The following RCAN2 variants were observed in gnomAD, a reference collection of about 807,000 sequenced individuals.
RCAN2 encodes the protein regulator of calcineurin 2.
Under a neutral mutation model 23.6 loss-of-function variants are expected in RCAN2, and 9 were observed. That is an observed-to-expected ratio of 0.38 (90% confidence interval 0.23 to 0.67). The LOEUF (loss-of-function observed/expected upper bound fraction) is 0.67. Ranked by LOEUF, RCAN2 falls within the 30% of genes least tolerant of loss-of-function variation. The probability of loss-of-function intolerance (pLI) is 0.51; values close to 1 mark genes in which losing one functional copy is unlikely to be tolerated. For synonymous variants in RCAN2, 109 were observed against 115.7 expected (o/e 0.94, Z 0.37); for missense variants, 273 against 302.3 (o/e 0.90, Z 0.72).
chr6:46,372,173 A>G (rs762202620), intron 2 of RCAN2, among the ~76,000 whole-genome samples: 22 of 152,210 alleles, frequency 1.4e-4, no homozygotes, highest in Non-Finnish European at 1.6e-4. Flanking sequence ...AACCATGGAA[A>G]AGACAAAAGG....
chr6:46,326,199 T>C (rs150190082), intron 2 of RCAN2, among the ~76,000 whole-genome samples: 1 of 152,180 alleles, frequency 6.6e-6, no homozygotes, highest in Non-Finnish European at 1.5e-5. Context: ...TAGAGGTTTG[T>C]GGAAATTCTA....
At chr6:46,326,803 G>A (rs530318418) in intron 2 of RCAN2, among the ~76,000 whole-genome samples, 1 of 152,296 alleles carries the variant, frequency 6.6e-6, no homozygotes, top group South Asian at 2.1e-4. Context: ...ACATGCAGAT[G>A]AGAAAGGTGA....
chr6:46,364,047 A>G (rs1469035627), intron 2 of RCAN2, among the ~76,000 whole-genome samples: 1 of 152,236 alleles, frequency 6.6e-6, no homozygotes, highest in East Asian at 1.9e-4. Flanking sequence ...TGAAAAACCT[A>G]GAGACCCTAT....
chr6:46,486,332 C>T (rs1001209824), intron 1 of RCAN2, among the ~76,000 whole-genome samples: 9 of 152,166 alleles, frequency 5.9e-5, no homozygotes, highest in Admixed American at 2.6e-4. Context: ...AGCAAAGCAT[C>T]TGGAACAGGG....
chr6:46,445,159 G>T (rs902431723), intron 2 of RCAN2, among the ~76,000 whole-genome samples: 1 of 152,190 alleles, frequency 6.6e-6, no homozygotes, highest in Non-Finnish European at 1.5e-5. Context: ...CCTGCACCAG[G>T]TCAGCCTCTA....
chr6:46,291,820 A>T (rs1762570099), intron 2 of RCAN2, among the ~76,000 whole-genome samples: 1 of 152,150 alleles, frequency 6.6e-6, no homozygotes, highest in Admixed American at 6.5e-5. Flanking sequence ...CCTAAGAAGG[A>T]ACCCATAGTA....
chr6:46,491,034 C>T (rs1031443401), intron 1 of RCAN2, 139 bp downstream of exon 1: 1 of 150,010 alleles, frequency 6.7e-6, no homozygotes. Context: ...CGCCCCCGCC[C>T]CCGCCCCCGC....
intron 2 of RCAN2, among the ~76,000 whole-genome samples, chr6:46,322,635 G>C (rs1306764508): frequency 5.3e-5 from 8 of 152,218 alleles, no homozygotes; most frequent in Non-Finnish European, 8.8e-5. Flanking sequence ...TTGCCCATGG[G>C]GGCTACATGT....
At chr6:46,339,972 G>T (rs1349321641) in intron 2 of RCAN2, among the ~76,000 whole-genome samples, 1 of 152,046 alleles carries the variant, frequency 6.6e-6, no homozygotes, top group East Asian at 1.9e-4. Flanking sequence ...TACAGCTGCT[G>T]CCCCACTAGA....
In RCAN2 at chr6:46,484,896, C is replaced by T. The variant is rs78903684; in HGVS notation, c.-3+6277G>A. ...AGGGGCTATCTCTGGAAAGCACTAA[C>T]ACCATCAAGCCCTTATCTTCACCAA... On this transcript the variant is annotated intron_variant, in intron 1 of 4. Transcript: ENST00000371374. 2.5e-3 allele frequency among the ~76,000 whole-genome samples: 378 copies of T among 152,310 alleles called. 2 individuals carry two copies. The highest frequency in any genetic ancestry group is 8.5e-3 in the African/African-American group (354 of 41,558).
chr6:46,222,127 T>C lies in RCAN2; in HGVS notation c.*1014A>G, dbSNP rs567018545. 5.0e-6 allele frequency: 2 copies of C among 396,696 alleles called. No homozygotes were observed. The highest frequency in any genetic ancestry group is 4.4e-5 in the Admixed American group (1 of 22,696). 24.6% of individuals were successfully genotyped at this position (396,696 alleles called of 1,614,324 possible). A position where few individuals can be genotyped will look rare whatever the true frequency, so the allele number is the denominator to read the frequency against. On this transcript the variant is annotated 3_prime_UTR_variant, in exon 5 of 5. Transcript: ENST00000371374. The stretch of plus-strand genomic sequence containing the variant: ...ATCATGTATATATTGGCATTAGATG[T>C]TTTGTGTCCTTTCAAAATTCAGCAT...
At position 46,456,875 on chromosome 6, in the gene RCAN2, G is replaced by C; in HGVS notation, c.102C>G (p.Asp34Glu). The change falls in exon 2 of 5, where the codon GAC becomes GAG. Residue 34 changes from aspartate to glutamate, a missense_variant. Physicochemically the swap from Asp to Glu is conservative, Grantham distance 45. Transcript: ENST00000371374. ...GLFLLCCIDR[D>E]WAVTRCFAEE... is the part of the protein sequence containing the mutation. The stretch of plus-strand genomic sequence containing the variant: ...CTGCAAAACAACGAGTGACAGCCCA[G>C]TCCCTGTCTATGCAGCACAGTAAGA... 1 of 1,550,638 alleles carries C rather than the reference G, an allele frequency of 6.4e-7. No homozygotes were observed.
intron 2 of RCAN2, among the ~76,000 whole-genome samples, chr6:46,326,568 C>G (rs897758781): frequency 6.6e-6 from 1 of 152,322 alleles, no homozygotes; most frequent in East Asian, 1.9e-4. Flanking sequence ...ATAAATAAAT[C>G]AATCAAACAG....
intron 2 of RCAN2, among the ~76,000 whole-genome samples, chr6:46,304,545 GA>G (rs377524585): frequency 2.0e-4 from 30 of 152,224 alleles, no homozygotes; most frequent in African/African-American, 6.7e-4. Flanking sequence ...AAGCCATTTA[GA>G]AGTTGTCTGT....
intron 2 of RCAN2, among the ~76,000 whole-genome samples, chr6:46,425,647 G>C (rs1731018214): frequency 6.6e-6 from 1 of 152,000 alleles, no homozygotes; most frequent in Non-Finnish European, 1.5e-5. Flanking sequence ...TTAAATTACA[G>C]TTTGGAACTA....
intron 2 of RCAN2, among the ~76,000 whole-genome samples, chr6:46,299,233 G>A (rs961377431): frequency 1.3e-5 from 2 of 151,950 alleles, no homozygotes; most frequent in Non-Finnish European, 2.9e-5. Context: ...AAATAAAAGT[G>A]GAGAAAGATG....
At chr6:46,491,846 T>G (rs1271359551), upstream of RCAN2, 1 of 151,870 alleles carries the variant, frequency 6.6e-6, no homozygotes, top group African/African-American at 2.4e-5. Flanking sequence ...GGTGGGGGAG[T>G]ACTGGGAGAA....
chr6:46,407,585 T>C (rs1766438744), intron 2 of RCAN2, among the ~76,000 whole-genome samples: 1 of 152,206 alleles, frequency 6.6e-6, no homozygotes, highest in Non-Finnish European at 1.5e-5. Flanking sequence ...AACTGCTTTA[T>C]GGAAGGAGTG....
chr6:46,388,712 A>G (rs1463362457), intron 2 of RCAN2, among the ~76,000 whole-genome samples: 2 of 152,148 alleles, frequency 1.3e-5, no homozygotes, highest in Non-Finnish European at 2.9e-5. Flanking sequence ...AACACCAAAC[A>G]CTGCATGTTT....
Sources: allele counts gnomAD v4.1 joint callset (sites outside exome capture counted in the v4.1 genomes callset), GRCh38; gene constraint gnomAD v4.1.1; transcripts MANE v1.5; gene names NCBI Gene and HGNC (gene_info 2026-07-23, HGNC 2026-07-21).